CCDC7: variants seen among roughly 807,000 people sequenced by gnomAD.
CCDC7 encodes the protein coiled-coil domain containing 7, also known as coiled-coil domain-containing protein 7.
In CCDC7, 183 loss-of-function variants were observed where a neutral mutation model predicts 196.9. That is an observed-to-expected ratio of 0.93 (90% CI 0.82 to 1.05). The LOEUF (loss-of-function observed/expected upper bound fraction) is 1.05. CCDC7 is among the 50% of genes least tolerant of loss of function. The probability of loss-of-function intolerance (pLI) is 0.00; values close to 1 mark genes in which losing one functional copy is unlikely to be tolerated. For synonymous variants in CCDC7, 525 were observed against 484.6 expected (o/e 1.08, Z -1.10); for missense variants, 1,540 against 1,482.2 (o/e 1.04, Z -0.64).
intron 18 of CCDC7, among the ~76,000 whole-genome samples, chr10:32,599,137 G>A (rs554122615): frequency 6.6e-5 from 10 of 152,194 alleles, no homozygotes; most frequent in East Asian, 3.9e-4. Context: ...TGCTTGATTC[G>A]TTGACCCTTT....
In CCDC7 at chr10:32,803,816, T is replaced by C. The variant is rs138272317; in HGVS notation, c.3014-1199T>C. On this transcript the variant is annotated intron_variant, in intron 29 of 41. Coordinates refer to ENST00000639629, the Ensembl canonical transcript of CCDC7. ...TTTTGTATATTTTTTATGTTATTTC[T>C]TAGCTTTGTAATTGGTGGCTTTTTA... is the stretch of plus-strand genomic sequence containing the variant. Among the ~76,000 whole-genome samples the C allele has an allele frequency of 6.0e-3, 914 of 152,274 alleles. 10 individuals carry two copies. The highest frequency in any genetic ancestry group is 0.021 in the African/African-American group (871 of 41,572).
intron 29 of CCDC7, among the ~76,000 whole-genome samples, chr10:32,790,719 G>A (rs2082558899): frequency 6.6e-6 from 1 of 152,124 alleles, no homozygotes; most frequent in African/African-American, 2.4e-5. Flanking sequence ...GATTCACAGG[G>A]TCAGAGTTGC....
intron 13 of CCDC7, among the ~76,000 whole-genome samples, chr10:32,555,797 C>G (rs554941523): frequency 1.3e-5 from 2 of 152,154 alleles, no homozygotes; most frequent in Non-Finnish European, 2.9e-5. Flanking sequence ...TAACTTAAAA[C>G]AGTAGAATCA....
chr10:32,603,648 C>T (rs535766484), intron 18 of CCDC7, among the ~76,000 whole-genome samples: 42 of 147,754 alleles, frequency 2.8e-4, no homozygotes, highest in African/African-American at 8.2e-4. Context: ...AATAAGCATT[C>T]GATCTAGAAT....
chr10:32,602,754 G>A (rs1406694856), intron 18 of CCDC7, among the ~76,000 whole-genome samples: 1 of 152,098 alleles, frequency 6.6e-6, no homozygotes, highest in African/African-American at 2.4e-5. Context: ...GTAACTTAAT[G>A]TAGTTAAAGT....
At chr10:32,636,096 T>G (rs2065587565) in intron 20 of CCDC7, among the ~76,000 whole-genome samples, 1 of 152,224 alleles carries the variant, frequency 6.6e-6, no homozygotes, top group African/African-American at 2.4e-5. Context: ...TGGTCTCTAC[T>G]AATAGTTTAT....
upstream of CCDC7, among the ~76,000 whole-genome samples, chr10:32,443,847 A>T (rs2133181519): frequency 1.3e-5 from 2 of 152,264 alleles, no homozygotes; most frequent in South Asian, 2.1e-4. Context: ...TTGGATTTTG[A>T]TCATAAACGC....
chr10:32,586,223 T>G (rs2059260155), intron 18 of CCDC7, among the ~76,000 whole-genome samples: 1 of 152,188 alleles, frequency 6.6e-6, no homozygotes, highest in Non-Finnish European at 1.5e-5. Flanking sequence ...ATGGGGTTGT[T>G]TGTTTTTTTC....
chr10:32,500,691 C>T (rs957245518), intron 9 of CCDC7, among the ~76,000 whole-genome samples: 3 of 152,174 alleles, frequency 2.0e-5, no homozygotes, highest in African/African-American at 7.2e-5. Flanking sequence ...GAGGCCAAGG[C>T]AGGCGGCTGG....
At chr10:32,701,645 C>T (rs1456575632) in intron 24 of CCDC7, among the ~76,000 whole-genome samples, 1 of 152,080 alleles carries the variant, frequency 6.6e-6, no homozygotes, top group Admixed American at 6.6e-5. Context: ...TCCATCTGGT[C>T]CTGGACTTTT....
chr10:32,722,434 C>T (rs542353990), intron 25 of CCDC7, among the ~76,000 whole-genome samples: 129 of 152,154 alleles, frequency 8.5e-4, no homozygotes, highest in Non-Finnish European at 1.1e-3. Context: ...CAAAAATTGT[C>T]GTCAGTGGGC....
chr10:32,685,693 A>T (rs1346660512), intron 21 of CCDC7, among the ~76,000 whole-genome samples: 1 of 152,216 alleles, frequency 6.6e-6, no homozygotes, highest in Non-Finnish European at 1.5e-5. Flanking sequence ...GGTTTATGAC[A>T]TCTATATGAT....
intron 5 of CCDC7, among the ~76,000 whole-genome samples, chr10:32,465,741 A>G (rs1588851498): frequency 6.6e-6 from 1 of 152,162 alleles, no homozygotes; most frequent in Non-Finnish European, 1.5e-5. Context: ...CTCTTGCTCA[A>G]AATGTTTCCC....
At chr10:32,677,494 G>A (rs979110556) in intron 21 of CCDC7, among the ~76,000 whole-genome samples, 2 of 152,076 alleles carry the variant, frequency 1.3e-5, no homozygotes, top group Non-Finnish European at 2.9e-5. Context: ...TTTTCTGGGT[G>A]TAGTATTCTT....
chr10:32,458,299 T>C (rs2034804675), intron 3 of CCDC7, among the ~76,000 whole-genome samples: 1 of 152,074 alleles, frequency 6.6e-6, no homozygotes, highest in Non-Finnish European at 1.5e-5. Context: ...TTTTTCCCAA[T>C]GTTCTTGGTG....
At chr10:32,698,869 C>G (rs1354049994) in intron 24 of CCDC7, among the ~76,000 whole-genome samples, 1 of 152,080 alleles carries the variant, frequency 6.6e-6, no homozygotes, top group Non-Finnish European at 1.5e-5. Context: ...CAAAGTTACT[C>G]CTCGAGAAGA....
At chr10:32,810,928 TGAA>T (rs962188671) in intron 30 of CCDC7, among the ~76,000 whole-genome samples, 12 of 151,774 alleles carry the variant, frequency 7.9e-5, no homozygotes, top group Non-Finnish European at 1.6e-4. Flanking sequence ...ACTGAATCAA[TGAA>T]GAGATTAAAA....
intron 32 of CCDC7, among the ~76,000 whole-genome samples, chr10:32,828,539 AG>A (rs2091715921): frequency 1.3e-5 from 2 of 150,640 alleles, no homozygotes; most frequent in African/African-American, 2.5e-5. Flanking sequence ...AAGAAGAAGA[AG>A]AAGAAGAAGA....
At chr10:32,804,957 C>T (rs1315158509) in intron 29 of CCDC7, 58 bp from the exon 31 acceptor site, 11 of 1,027,012 alleles carry the variant, frequency 1.1e-5, no homozygotes, top group Non-Finnish European at 1.7e-5. Flanking sequence ...ACACACCCCT[C>T]ACATTCCTAT....
Sources: allele counts gnomAD v4.1 joint callset (sites outside exome capture counted in the v4.1 genomes callset), GRCh38; gene constraint gnomAD v4.1.1; transcripts MANE v1.5; gene names NCBI Gene and HGNC (gene_info 2026-07-23, HGNC 2026-07-21).